Variants in NLRP1 observed in about 807,000 individuals in gnomAD.
NLRP1 encodes NLR family pyrin domain containing 1, also known as NACHT, LRR and PYD domains-containing protein 1.
NLRP1 carries 94 observed loss-of-function variants against 136.7 expected under a neutral mutation model. The ratio of observed to expected loss-of-function variants is 0.69; its 90% CI spans 0.58 to 0.82. The LOEUF (loss-of-function observed/expected upper bound fraction) is 0.82, where lower values mean the gene tolerates loss of function less well. NLRP1 is among the 40% of genes least tolerant of loss of function. The pLI is 0.00. For synonymous variants in NLRP1, 690 were observed against 725.1 expected (o/e 0.95, Z 0.78); for missense variants, 1,575 against 1,802.7 (o/e 0.87, Z 2.29).
At chr17:5,530,444 A>T in intron 12 of NLRP1, 37 bp downstream of exon 12, 2 of 1,573,786 alleles carry the variant, frequency 1.3e-6, no homozygotes, top group Non-Finnish European at 1.7e-6. Flanking sequence ...GCCCATAATT[A>T]CCACCACCTT....
intron 12 of NLRP1, among the ~76,000 whole-genome samples, chr17:5,524,542 G>A (rs1428020855): frequency 6.6e-6 from 1 of 152,228 alleles, no homozygotes; most frequent in African/African-American, 2.4e-5. Flanking sequence ...GAGATGGTAT[G>A]ACCTCCTTCA....
At chr17:5,522,665 A>C (rs529290472) in intron 12 of NLRP1, among the ~76,000 whole-genome samples, 10 of 152,302 alleles carry the variant, frequency 6.6e-5, no homozygotes, top group African/African-American at 2.4e-4. Flanking sequence ...GGGAGCACTT[A>C]GCAGTGCTGA....
In NLRP1 at chr17:5,521,560, G is replaced by T. The variant is rs199475704; in HGVS notation, c.3747C>A (p.His1249Gln). ...HRVHPEEVTF[H>Q]LYLIPSDCSI... ...AGCAGTCACTTGGGATCAGGTAGAG[G>T]TGGAAGGTGACTTCCTCAGGATGGA... The change falls in exon 13 of 17, where the codon CAC becomes CAA. Residue 1249 changes from histidine (H) to glutamine (Q), a missense_variant. Transcript: ENST00000572272. 3 of 1,614,116 alleles carry T rather than the reference G, an allele frequency of 1.9e-6. No individual in the cohort carries two copies. The highest frequency in any genetic ancestry group is 1.3e-5 in the African/African-American group (1 of 75,050).
At chr17:5,528,398 T>A (rs74724257) in intron 12 of NLRP1, among the ~76,000 whole-genome samples, 1,530 of 152,312 alleles carry the variant, frequency 0.01, 23 homozygotes, top group African/African-American at 0.034. Context: ...CTTGCACCTC[T>A]TCCCTCTATT....
At chr17:5,556,559 A>C (rs944455468) in intron 4 of NLRP1, among the ~76,000 whole-genome samples, 4 of 152,042 alleles carry the variant, frequency 2.6e-5, no homozygotes, top group Non-Finnish European at 5.9e-5. Context: ...AAAATGTACA[A>C]TATGGTTCGA....
chr17:5,539,387 T>C, intron 7 of NLRP1, 28 bp downstream of exon 7: 1 of 1,584,214 alleles, frequency 6.3e-7, no homozygotes, highest in South Asian at 1.2e-5. Context: ...CTCTTCCCTC[T>C]GCCCAGAAGG....
At chr17:5,556,188 A>T (rs1475025542) in intron 4 of NLRP1, among the ~76,000 whole-genome samples, 1 of 146,358 alleles carries the variant, frequency 6.8e-6, no homozygotes, top group South Asian at 2.2e-4. Flanking sequence ...GGTGGCTCAC[A>T]TCTGTGATCC....
In NLRP1 at chr17:5,504,011, T is replaced by C. The variant is rs1013488591; in HGVS notation, c.4070-2139A>G. 6.6e-6 allele frequency: 1 copy of C among 152,302 alleles called. No homozygotes were observed. Among genetic ancestry groups the C allele is most frequent in the Non-Finnish European group, 1.5e-5 (1 of 68,090 alleles). 9.4% of individuals were successfully genotyped at this position (152,302 alleles called of 1,614,324 possible). ...GGGGTATTTGCCTCTGGAAGAAAGATACACTGTCTGAGTCAATAGGAATCA... is the reference window on the plus strand; with the variant it reads ...GGGGTATTTGCCTCTGGAAGAAAGACACACTGTCTGAGTCAATAGGAATCA... On this transcript the variant is annotated intron_variant, in intron 15 of 15. Transcript: ENST00000262467. The surrounding 1 kb of genome is among the most constrained non-coding windows in gnomAD (Gnocchi z 4.4).
At chr17:5,562,851 C>T (rs1472832827) in intron 3 of NLRP1, among the ~76,000 whole-genome samples, 1 of 152,196 alleles carries the variant, frequency 6.6e-6, no homozygotes, top group African/African-American at 2.4e-5. Context: ...GCACTTTGGC[C>T]TGCACCCCCA....
In NLRP1 at chr17:5,535,582, C is replaced by T. The variant is rs1161772461; in HGVS notation, c.2960+1269G>A. Among the ~76,000 whole-genome samples the T allele has an allele frequency of 2.6e-5, 4 of 152,300 alleles. No individual in the cohort carries two copies. The East Asian group carries it at 7.7e-4, about 29-fold the overall frequency. On this transcript the variant is annotated intron_variant, in intron 8 of 16. Coordinates refer to ENST00000572272, the MANE Select transcript of NLRP1 (RefSeq NM_033004.4). ...ATTTGCGCAGACACTTCTGGGATAA[C>T]CTGTGCCTGTCTCCCTGCTGGACTA...
At chr17:5,581,253 C>T (rs1249706572) in intron 3 of NLRP1, among the ~76,000 whole-genome samples, 2 of 152,212 alleles carry the variant, frequency 1.3e-5, no homozygotes, top group Non-Finnish European at 2.9e-5. Flanking sequence ...CAGATGAGGG[C>T]ACTCCCTGTG....
At chr17:5,550,593 G>A (rs182575092) in intron 5 of NLRP1, among the ~76,000 whole-genome samples, 1 of 152,130 alleles carries the variant, frequency 6.6e-6, no homozygotes, top group East Asian at 1.9e-4. Context: ...ATTTTAGTTA[G>A]TCTAGCTAAA....
chr17:5,531,144 G>A (rs59609125), intron 11 of NLRP1, among the ~76,000 whole-genome samples: 1,423 of 136,124 alleles, frequency 0.01, 28 homozygotes, highest in South Asian at 0.036. Context: ...TGTCTTGTCT[G>A]TCTATCTATC....
rs1309114032 is a variant in NLRP1 at position 5,560,143 on chromosome 17, TGC to T, written c.653-102_653-101del. The T allele has an allele frequency of 8.3e-6, 9 of 1,085,266 alleles. No individual in the cohort carries two copies. The African/African-American group carries it at 1.4e-4, about 17-fold the overall frequency. 67.2% of individuals were successfully genotyped at this position (1,085,266 alleles called of 1,614,324 possible). A position where few individuals can be genotyped will look rare whatever the true frequency, so the allele number is the denominator to read the frequency against. The stretch of plus-strand genomic sequence containing the variant: ...TAGGCACCTACTCCAAGCCACACAC[TGC>T]GCTGTCTGCAGACACTGGTATGTTC... On this transcript the variant is annotated intron_variant, in intron 3 of 16. Transcript: ENST00000572272.
chr17:5,518,602 T>C (rs1369108121), intron 14 of NLRP1: 1 of 145,798 alleles, frequency 6.9e-6, no homozygotes, highest in African/African-American at 2.5e-5. Flanking sequence ...AGAGATGGGG[T>C]TTTTCCATGT....
At chr17:5,577,435 G>A (rs1224864180) in intron 3 of NLRP1, among the ~76,000 whole-genome samples, 2 of 152,216 alleles carry the variant, frequency 1.3e-5, no homozygotes, top group East Asian at 3.8e-4. Context: ...CAAAATCAAT[G>A]TGCAAAAGTC....
intron 5 of NLRP1, 134 bp downstream of exon 5, chr17:5,553,252 A>G (rs1258064483): frequency 2.7e-5 from 21 of 770,070 alleles, no homozygotes; most frequent in Non-Finnish European, 3.8e-5. Context: ...TTTGTTTACT[A>G]AAGTCATCCC....
chr17:5,573,763 T>C (rs936218139), intron 3 of NLRP1, among the ~76,000 whole-genome samples: 4 of 152,178 alleles, frequency 2.6e-5, no homozygotes, highest in African/African-American at 9.7e-5. Flanking sequence ...GTCCTGACTG[T>C]TAGAAGGAAA....
At chr17:5,503,901 T>C (rs895601466) in intron 15 of NLRP1, 1 of 152,194 alleles carries the variant, frequency 6.6e-6, no homozygotes, top group African/African-American at 2.4e-5. Flanking sequence ...CCAGAGTACA[T>C]ACCCCTCTCA....
Sources: gnomAD v4.1 joint callset for allele counts (sites outside exome capture counted in the v4.1 genomes callset) on GRCh38, gnomAD v4.1.1 for gene constraint, Gnocchi (gnomAD v3.1) non-coding constraint, MANE v1.5 for transcripts, NCBI Gene and HGNC (gene_info 2026-07-23, HGNC 2026-07-21) for gene names.